The following COG5 variants were observed in gnomAD, a reference collection of about 807,000 sequenced individuals.
COG5 encodes conserved oligomeric Golgi complex subunit 5.
In COG5, 86 loss-of-function variants were observed where a neutral mutation model predicts 110.4. That is an observed-to-expected ratio of 0.78 (90% CI 0.65 to 0.93). The LOEUF (loss-of-function observed/expected upper bound fraction) is 0.93, where lower values mean the gene tolerates loss of function less well. COG5 is among the 40% of genes least tolerant of loss of function. The pLI, the probability that COG5 is intolerant of heterozygous loss-of-function variation, is 0.00. For missense variants in COG5, 1,077 were observed against 987.0 expected (o/e 1.09, Z -1.22); for synonymous variants, 360 against 334.6 (o/e 1.08, Z -0.83).
At chr7:107,232,304 T>C (rs572820768) in intron 18 of COG5, among the ~76,000 whole-genome samples, 2 of 152,310 alleles carry the variant, frequency 1.3e-5, no homozygotes, top group South Asian at 4.1e-4. Context: ...TGGGTAGGAA[T>C]TTCTGTTTTC....
intron 12 of COG5, among the ~76,000 whole-genome samples, chr7:107,284,811 T>G (rs145675562): frequency 7.5e-4 from 115 of 152,320 alleles, no homozygotes; most frequent in African/African-American, 2.7e-3. Context: ...ACTCCTATAA[T>G]TAATTGTCTT....
At position 107,414,065 on chromosome 7, in the gene COG5, A is replaced by G. The variant is rs370708392; in HGVS notation, c.539-1433T>C. ...ATAGTATTCCTCCGATATTCTTCCA[A>G]TTTGCACATTGAAAGGGTAAAGATG... On this transcript the variant is annotated intron_variant, in intron 6 of 21. Transcript: ENST00000297135. Among the ~76,000 whole-genome samples the G allele has an allele frequency of 5.3e-5, 8 of 152,242 alleles. No homozygotes were observed. In the East Asian group the frequency reaches 1.5e-3, roughly 29 times the overall value.
chr7:107,252,512 T>C (rs1046963566), intron 16 of COG5, among the ~76,000 whole-genome samples: 4 of 152,064 alleles, frequency 2.6e-5, no homozygotes, highest in East Asian at 1.9e-4. Context: ...CACAAACTCT[T>C]CTAGGAAACA....
At chr7:107,446,650 C>T (rs533588055) in intron 6 of COG5, among the ~76,000 whole-genome samples, 13 of 152,286 alleles carry the variant, frequency 8.5e-5, no homozygotes, top group African/African-American at 2.9e-4. Flanking sequence ...CCCACTCACA[C>T]TGGGAAGTCA....
chr7:107,215,088 C>T (rs1444644535), intron 19 of COG5, among the ~76,000 whole-genome samples: 1 of 151,946 alleles, frequency 6.6e-6, no homozygotes, highest in Non-Finnish European at 1.5e-5. Context: ...GCTTGAAATA[C>T]CCTGTTATGA....
At chr7:107,387,573 A>C (rs1220865180) in intron 7 of COG5, among the ~76,000 whole-genome samples, 1 of 152,216 alleles carries the variant, frequency 6.6e-6, no homozygotes, top group Non-Finnish European at 1.5e-5. Context: ...TCTCTCTCTT[A>C]CCCCTAATGT....
intron 6 of COG5, among the ~76,000 whole-genome samples, chr7:107,511,239 AACT>A (rs1799483452): frequency 6.6e-6 from 1 of 152,188 alleles, no homozygotes; most frequent in African/African-American, 2.4e-5. Flanking sequence ...CAGAAATACA[AACT>A]ACCATCACAG....
At chr7:107,365,596 C>CAAAAAAAAAAAAAA (rs71134263) in intron 8 of COG5, among the ~76,000 whole-genome samples, 30 of 36,700 alleles carry the variant, frequency 8.2e-4, no homozygotes, top group East Asian at 1.3e-3. Context: ...TGCAAAATGA[C>CAAAAAAAAAAAAAA]AAAAAAAAAA....
At chr7:107,207,693 C>T (rs561316330) in intron 21 of COG5, among the ~76,000 whole-genome samples, 11 of 152,344 alleles carry the variant, frequency 7.2e-5, no homozygotes, top group African/African-American at 2.2e-4. Flanking sequence ...GTGTCTGGAG[C>T]ACCTGCCTGA....
chr7:107,386,292 G>A (rs973797508), intron 7 of COG5, among the ~76,000 whole-genome samples: 3 of 151,774 alleles, frequency 2.0e-5, no homozygotes, highest in African/African-American at 7.3e-5. Context: ...AGGAGTCGGG[G>A]CCGGGGTTGC....
intron 14 of COG5, among the ~76,000 whole-genome samples, chr7:107,279,289 C>A (rs1562947889): frequency 6.6e-6 from 1 of 152,152 alleles, no homozygotes; most frequent in African/African-American, 2.4e-5. Context: ...CAGGAAACAA[C>A]AGATTCTGTC....
intron 6 of COG5, among the ~76,000 whole-genome samples, chr7:107,501,558 A>G (rs1798634961): frequency 6.6e-6 from 1 of 152,164 alleles, no homozygotes; most frequent in Non-Finnish European, 1.5e-5. Context: ...TCTAGATGTT[A>G]CCCTGAATTT....
rs2116084715 is a variant in COG5 at position 107,203,554 on chromosome 7, C to G, written c.2452G>C (p.Val818Leu). Reference sequence around the variant, plus strand: ...GACATAGCCTTTTGAAGCAGCTGAACCATTATGGGATAAACTGGTGCAAAT... The same window carrying G: ...GACATAGCCTTTTGAAGCAGCTGAAGCATTATGGGATAAACTGGTGCAAAT... ...KEFAPVYPIM[V>L]QLLQKAMSAL... The change falls in exon 22 of 22, where the codon GTT (valine) becomes CTT (leucine). Residue 818 changes from valine (V) to leucine (L), a missense_variant. Physicochemically the swap from Val to Leu is conservative, Grantham distance 32. Transcript: ENST00000297135. The G allele has an allele frequency of 6.2e-7, 1 of 1,613,950 alleles. No homozygotes were observed. The highest frequency in any genetic ancestry group is 1.3e-5 in the African/African-American group (1 of 75,018).
intron 6 of COG5, among the ~76,000 whole-genome samples, chr7:107,512,065 G>C (rs1250711159): frequency 6.6e-6 from 1 of 152,288 alleles, no homozygotes; most frequent in South Asian, 2.1e-4. Context: ...GCAGGAGAAG[G>C]AAATAAAGGG....
chr7:107,212,535 T>A (rs963099680), intron 19 of COG5, among the ~76,000 whole-genome samples: 2 of 152,246 alleles, frequency 1.3e-5, no homozygotes, highest in Non-Finnish European at 2.9e-5. Flanking sequence ...TCTGTATGGA[T>A]GACATTGTCT....
chr7:107,236,286 A>G (rs1801181607), intron 18 of COG5, among the ~76,000 whole-genome samples, 164 bp downstream of exon 18: 1 of 146,634 alleles, frequency 6.8e-6, no homozygotes, highest in South Asian at 2.1e-4. Flanking sequence ...GTATAAAAGT[A>G]TCTTTAAACT....
chr7:107,364,868 G>C (rs1409907738), intron 8 of COG5, among the ~76,000 whole-genome samples: 4 of 152,122 alleles, frequency 2.6e-5, no homozygotes, highest in Admixed American at 2.0e-4. Context: ...TTATCTGTTT[G>C]AAATCCGCAT....
At chr7:107,249,454 T>C (rs1277721570) in intron 16 of COG5, among the ~76,000 whole-genome samples, 2 of 152,086 alleles carry the variant, frequency 1.3e-5, no homozygotes, top group Admixed American at 1.3e-4. Flanking sequence ...TGTAAAACCC[T>C]AGGTCTTAGT....
At chr7:107,244,777 T>C (rs1407072766) in intron 17 of COG5, among the ~76,000 whole-genome samples, 1 of 152,250 alleles carries the variant, frequency 6.6e-6, no homozygotes, top group East Asian at 1.9e-4. Context: ...AACAGACTAA[T>C]AATGAGTTCC....
Sources: gnomAD v4.1 joint callset for allele counts (sites outside exome capture counted in the v4.1 genomes callset) on GRCh38, gnomAD v4.1.1 for gene constraint, MANE v1.5 for transcripts, NCBI Gene and HGNC (gene_info 2026-07-23, HGNC 2026-07-21) for gene names.